The following TACR1 variants were observed in gnomAD, a reference collection of about 807,000 sequenced individuals.
The protein encoded by TACR1 is substance-P receptor.
TACR1 carries 25 observed loss-of-function variants against 35.8 expected under a neutral mutation model. That is an observed-to-expected ratio of 0.70 (90% confidence interval 0.51 to 0.98). TACR1 has a LOEUF of 0.98. TACR1 is among the 50% of genes least tolerant of loss of function. TACR1 has a pLI of 0.00. For synonymous variants in TACR1, 195 were observed against 206.7 expected, an observed-to-expected ratio of 0.94 and a Z score of 0.48; for missense variants, 478 against 522.9, an observed-to-expected ratio of 0.91 and a Z score of 0.84.
At chr2:75,140,742 G>C (rs766450731) in intron 1 of TACR1, among the ~76,000 whole-genome samples, 35 of 152,200 alleles carry the variant, frequency 2.3e-4, no homozygotes, top group Non-Finnish European at 4.1e-4. Context: ...TTGAGGAAAA[G>C]GACCAGGTTG....
intron 2 of TACR1, among the ~76,000 whole-genome samples, chr2:75,102,672 A>G (rs1023875707): frequency 6.6e-5 from 10 of 152,190 alleles, no homozygotes; most frequent in South Asian, 2.1e-4. Flanking sequence ...AAAAGAAAAA[A>G]AATTATTTAT....
chr2:75,069,709 T>G (rs1672837241), intron 2 of TACR1, among the ~76,000 whole-genome samples: 1 of 152,196 alleles, frequency 6.6e-6, no homozygotes, highest in African/African-American at 2.4e-5. Flanking sequence ...TGGTCAGATA[T>G]TTTGTGGACA....
chr2:75,111,938 A>T lies in TACR1; in HGVS notation c.584+8636T>A, dbSNP rs181676559. Among the ~76,000 whole-genome samples, 3 of 152,050 alleles carry T rather than the reference A, an allele frequency of 2.0e-5. No homozygotes were observed. In the East Asian group the frequency reaches 5.8e-4, roughly 29 times the overall value. ...TTCTAAACCACACAAATATGTATAA[A>T]TTTTTAAAAAAAATTTAAAAAGGAA... On this transcript the variant is annotated intron_variant, in intron 2 of 4. Coordinates refer to ENST00000305249, the MANE Select transcript of TACR1 (RefSeq NM_001058.4).
chr2:75,079,357 A>G (rs1673036577), intron 2 of TACR1, among the ~76,000 whole-genome samples: 1 of 151,764 alleles, frequency 6.6e-6, no homozygotes, highest in Non-Finnish European at 1.5e-5. Flanking sequence ...CTCCCTTCCA[A>G]CCCATCTTCC....
intron 2 of TACR1, among the ~76,000 whole-genome samples, chr2:75,094,240 A>G (rs999697760): frequency 6.6e-6 from 1 of 152,220 alleles, no homozygotes; most frequent in African/African-American, 2.4e-5. Context: ...AGAGAGTTAA[A>G]GCATTGTTCC....
At chr2:75,195,008 A>T (rs1675930578) in intron 1 of TACR1, among the ~76,000 whole-genome samples, 1 of 152,108 alleles carries the variant, frequency 6.6e-6, no homozygotes, top group South Asian at 2.1e-4. Context: ...TAGAACCAGT[A>T]ATTGTCACCA....
Position 75,198,678 on chromosome 2 carries a change from GTATTGAA to G in TACR1, c.250_256del (p.Phe84GlnfsTer3). ...GACAGCATAGGTGAAGTTCACCACT[GTATTGAA>G]TGCAGCCATGGAGGCCTCCGCGAAG... On this transcript the variant is annotated frameshift_variant, in exon 1 of 5. Transcript: ENST00000305249. LOFTEE classifies it high-confidence loss of function. The G allele has an allele frequency of 6.2e-7, 1 of 1,614,212 alleles. No homozygotes were observed. Among genetic ancestry groups the G allele is most frequent in the Non-Finnish European group, 8.5e-7 (1 of 1,180,034 alleles).
chr2:75,145,433 G>T (rs1001911001), intron 1 of TACR1, among the ~76,000 whole-genome samples: 1 of 152,080 alleles, frequency 6.6e-6, no homozygotes, highest in Non-Finnish European at 1.5e-5. Flanking sequence ...TGTAAAGTAG[G>T]AGATAACTAT....
intron 1 of TACR1, among the ~76,000 whole-genome samples, chr2:75,128,652 G>A (rs57035511): frequency 0.028 from 4,209 of 152,206 alleles, 193 homozygotes; most frequent in African/African-American, 0.093. Context: ...GACAGAGCGC[G>A]CATTTTTTTC....
rs545248592 is a variant in TACR1, at chr2:75,056,861, T to C, written c.585-3106A>G. On this transcript the variant is annotated intron_variant, in intron 2 of 4. Transcript: ENST00000305249. Reference sequence around the variant, plus strand: ...AGGAGCATTGGTTTTTCCATGTTCCTATAGAGATAATTAAATACAACATAG... The same window carrying C: ...AGGAGCATTGGTTTTTCCATGTTCCCATAGAGATAATTAAATACAACATAG... 3.9e-5 allele frequency among the ~76,000 whole-genome samples: 6 copies of C among 152,336 alleles called. No homozygotes were observed. In the East Asian group the frequency reaches 1.2e-3, roughly 29 times the overall value.
intron 2 of TACR1, among the ~76,000 whole-genome samples, chr2:75,063,889 C>A (rs538562152): frequency 2.0e-5 from 3 of 152,254 alleles, no homozygotes; most frequent in African/African-American, 7.2e-5. Context: ...TATCTTCAGA[C>A]CTGCACATTT....
In TACR1 at chr2:75,166,838, A is replaced by G. The variant is rs898517445; in HGVS notation, c.389+31708T>C. Among the ~76,000 whole-genome samples, 27 of 152,202 alleles carry G rather than the reference A, an allele frequency of 1.8e-4. 1 individual carries two copies. The highest frequency in any genetic ancestry group is 1.7e-3 in the Admixed American group (26 of 15,268). On this transcript the variant is annotated intron_variant, in intron 1 of 4. Transcript: ENST00000305249. Reference sequence around the variant, plus strand: ...ACATACAGAGAAGTGCAGATATAGGAAAGTCTAGTTCTAGGTCATCCTGAG... The same window carrying G: ...ACATACAGAGAAGTGCAGATATAGGGAAGTCTAGTTCTAGGTCATCCTGAG...
chr2:75,168,686 T>C (rs1235523708), intron 1 of TACR1, among the ~76,000 whole-genome samples: 4 of 152,226 alleles, frequency 2.6e-5, no homozygotes, highest in Non-Finnish European at 5.9e-5. Flanking sequence ...CCATTAAATT[T>C]ATGGTAATTT....
intron 1 of TACR1, among the ~76,000 whole-genome samples, chr2:75,195,525 C>G (rs986929262): frequency 1.3e-5 from 2 of 151,976 alleles, no homozygotes; most frequent in Non-Finnish European, 2.9e-5. Context: ...TATCTTGATT[C>G]TAATAGGAAA....
intron 1 of TACR1, among the ~76,000 whole-genome samples, chr2:75,169,000 C>T (rs1291453495): frequency 1.3e-5 from 2 of 152,140 alleles, no homozygotes; most frequent in Non-Finnish European, 2.9e-5. Context: ...ATCTACATTT[C>T]TCTAATTATT....
At chr2:75,184,244 A>AT (rs890387792) in intron 1 of TACR1, among the ~76,000 whole-genome samples, 2 of 152,186 alleles carry the variant, frequency 1.3e-5, no homozygotes, top group African/African-American at 4.8e-5. Context: ...CAAAAACACA[A>AT]TTGGCAAATT....
chr2:75,163,919 C>A (rs12105873), intron 1 of TACR1, among the ~76,000 whole-genome samples: 15,212 of 152,040 alleles, frequency 0.1, 878 homozygotes, highest in Middle Eastern at 0.18. Context: ...TCTTCTATTT[C>A]TTTGGAGTAT....
intron 1 of TACR1, among the ~76,000 whole-genome samples, chr2:75,124,571 G>T (rs374193941): frequency 6.6e-6 from 1 of 152,164 alleles, no homozygotes. Flanking sequence ...CTAGCTCAAG[G>T]GTTGGCAATT....
intron 2 of TACR1, among the ~76,000 whole-genome samples, chr2:75,094,859 A>ATATATATATATATATATATATATATTT: frequency 6.2e-5 from 7 of 113,100 alleles, no homozygotes; most frequent in African/African-American, 1.9e-4. Flanking sequence ...ATATATATAT[A>ATATATATATATATATATATATATATTT]TTTTTTTTTT....
Sources: allele counts gnomAD v4.1 joint callset (sites outside exome capture counted in the v4.1 genomes callset), GRCh38; gene constraint gnomAD v4.1.1; transcripts MANE v1.5; gene names NCBI Gene and HGNC (gene_info 2026-07-23, HGNC 2026-07-21).